Variants in TBL1XR1 observed in about 807,000 individuals in gnomAD.
TBL1XR1 encodes TBL1X/Y related 1.
Under a neutral mutation model 66.9 loss-of-function variants are expected in TBL1XR1, and 5 were observed. That is an observed-to-expected ratio of 0.07 (90% CI 0.04 to 0.16). The LOEUF (loss-of-function observed/expected upper bound fraction) is 0.16. Among genes scored for constraint, TBL1XR1 ranks in the 10% least tolerant of loss-of-function variants. TBL1XR1 has a pLI of 1.00. For missense variants in TBL1XR1, 238 were observed against 623.2 expected (o/e 0.38, Z 6.58); for synonymous variants, 210 against 206.0 (o/e 1.02, Z -0.17).
intron 2 of TBL1XR1, among the ~76,000 whole-genome samples, chr3:177,090,106 ATCTGTGTAATGGAGTAGAATGCAGCT>A (rs1247086359): frequency 6.6e-6 from 1 of 152,212 alleles, no homozygotes; most frequent in Non-Finnish European, 1.5e-5. Context: ...TGAAACAGCT[ATCTGTGTAATGGAGTAGAATGCAGCT>A]GTAAAACAAT....
chr3:177,118,181 T>C (rs1726540996), intron 1 of TBL1XR1, among the ~76,000 whole-genome samples: 1 of 152,212 alleles, frequency 6.6e-6, no homozygotes, highest in African/African-American at 2.4e-5. Context: ...CATGCGAATA[T>C]AGAAGTTCCA....
Position 177,023,752 on chromosome 3 carries a change from G to A in TBL1XR1, c.*1746C>T, listed in dbSNP as rs1478320243. On this transcript the variant is annotated 3_prime_UTR_variant, in exon 16 of 16. Coordinates refer to ENST00000457928, the MANE Select transcript of TBL1XR1 (RefSeq NM_024665.7). Reference sequence around the variant, plus strand: ...AATCAATCAAAGCTGCATTACTTGGGTTAAATCAGTTTCTACTTAGAACAC... The same window carrying A: ...AATCAATCAAAGCTGCATTACTTGGATTAAATCAGTTTCTACTTAGAACAC... 6.6e-6 allele frequency: 1 copy of A among 152,398 alleles called. No homozygotes were observed. The highest frequency in any genetic ancestry group is 1.5e-5 in the Non-Finnish European group (1 of 67,932). 9.4% of individuals were successfully genotyped at this position (152,398 alleles called of 1,614,324 possible). A position where few individuals can be genotyped will look rare whatever the true frequency, so the allele number is the denominator to read the frequency against.
At chr3:177,057,619 A>AAT (rs1310967719) in intron 3 of TBL1XR1, among the ~76,000 whole-genome samples, 1 of 152,140 alleles carries the variant, frequency 6.6e-6, no homozygotes, top group East Asian at 1.9e-4. Flanking sequence ...TTTATCTGTA[A>AAT]ATATATATAT....
chr3:177,162,813 C>T (rs1316322449), intron 1 of TBL1XR1, among the ~76,000 whole-genome samples: 1 of 152,096 alleles, frequency 6.6e-6, no homozygotes, highest in East Asian at 1.9e-4. Context: ...CAAAAAGATG[C>T]TCGATCTTAT....
chr3:177,051,434 C>A, intron 5 of TBL1XR1, 70 bp downstream of exon 5: 9 of 1,406,960 alleles, frequency 6.4e-6, no homozygotes, highest in Non-Finnish European at 8.6e-6. Flanking sequence ...CACATGTACC[C>A]CGAATTAAAA....
chr3:177,136,441 A>T (rs1729008152), intron 1 of TBL1XR1, among the ~76,000 whole-genome samples: 1 of 152,084 alleles, frequency 6.6e-6, no homozygotes, highest in Non-Finnish European at 1.5e-5. Context: ...CACTACACCC[A>T]GCTAATTTCT....
Position 177,022,691 on chromosome 3 carries a change from C to T in TBL1XR1, c.*2807G>A, listed in dbSNP as rs938856549. ...GAATAAGTTCTCAGAAAAACACAGGCGGAAAAATAAGCAAGAATCCCAAAT... is the reference window on the plus strand; with the variant it reads ...GAATAAGTTCTCAGAAAAACACAGGTGGAAAAATAAGCAAGAATCCCAAAT... On this transcript the variant is annotated 3_prime_UTR_variant, in exon 16 of 16. Transcript: ENST00000457928. The T allele has an allele frequency of 2.6e-5, 4 of 152,376 alleles. No individual in the cohort carries two copies. Among genetic ancestry groups the T allele is most frequent in the South Asian group, 2.1e-4 (1 of 4,828 alleles). 9.4% of individuals were successfully genotyped at this position (152,376 alleles called of 1,614,324 possible).
intron 1 of TBL1XR1, among the ~76,000 whole-genome samples, chr3:177,102,859 G>A (rs2108683571): frequency 6.6e-6 from 1 of 152,210 alleles, no homozygotes; most frequent in South Asian, 2.1e-4. Context: ...AGAGAAATGA[G>A]CCCCAGCTTA....
chr3:177,047,165 G>A (rs1346393299), intron 9 of TBL1XR1, 135 bp downstream of exon 9: 2 of 687,898 alleles, frequency 2.9e-6, no homozygotes, highest in East Asian at 5.5e-5. Flanking sequence ...ATAGACCTAA[G>A]GAGTATTTCT....
chr3:177,164,700 A>G (rs1732618558), intron 1 of TBL1XR1, among the ~76,000 whole-genome samples: 1 of 152,180 alleles, frequency 6.6e-6, no homozygotes, highest in South Asian at 2.1e-4. Flanking sequence ...AAATAAATGG[A>G]AAGATGTCTC....
intron 2 of TBL1XR1, among the ~76,000 whole-genome samples, chr3:177,079,146 T>A (rs992775225): frequency 6.6e-6 from 1 of 151,922 alleles, no homozygotes; most frequent in African/African-American, 2.4e-5. Context: ...ACAAAAAAAA[T>A]GTCGGCCGGG....
At chr3:177,126,823 A>C (rs977573233) in intron 1 of TBL1XR1, among the ~76,000 whole-genome samples, 1 of 152,262 alleles carries the variant, frequency 6.6e-6, no homozygotes, top group African/African-American at 2.4e-5. Flanking sequence ...GCCAAAAAAA[A>C]AAAAAGGGCA....
chr3:177,149,280 G>A (rs1577315365), intron 1 of TBL1XR1, among the ~76,000 whole-genome samples: 1 of 152,120 alleles, frequency 6.6e-6, no homozygotes, highest in Non-Finnish European at 1.5e-5. Context: ...CTCAAATCTA[G>A]TTCTGCAGCA....
intron 1 of TBL1XR1, among the ~76,000 whole-genome samples, chr3:177,102,214 T>C (rs1435116028): frequency 6.6e-6 from 1 of 152,224 alleles, no homozygotes; most frequent in Non-Finnish European, 1.5e-5. Context: ...CTTTTCCTAT[T>C]AATACTACAA....
chr3:177,131,510 C>T, intron 1 of TBL1XR1: 2 of 257,092 alleles, frequency 7.8e-6, no homozygotes, highest in Non-Finnish European at 1.1e-5. Flanking sequence ...TTCTGAATAT[C>T]TTTTTTTTTT....
chr3:177,057,619 AAT>A (rs1310967719), intron 3 of TBL1XR1, among the ~76,000 whole-genome samples: 2 of 152,140 alleles, frequency 1.3e-5, no homozygotes, highest in Admixed American at 1.3e-4. Context: ...TTTATCTGTA[AAT>A]ATATATATGC....
At chr3:177,096,897 A>T (rs1411750694) in intron 2 of TBL1XR1, among the ~76,000 whole-genome samples, 1 of 152,134 alleles carries the variant, frequency 6.6e-6, no homozygotes, top group Non-Finnish European at 1.5e-5. Context: ...TTTCTTCAAC[A>T]TCTCCTATCA....
chr3:177,171,702 C>CAAAAAAAA (rs34278942), intron 1 of TBL1XR1, among the ~76,000 whole-genome samples: 2 of 47,294 alleles, frequency 4.2e-5, no homozygotes, highest in Admixed American at 3.7e-4. Context: ...GACTCCGTCT[C>CAAAAAAAA]AAAAAAAAAA....
chr3:177,133,803 GA>G (rs1232551541), intron 1 of TBL1XR1, among the ~76,000 whole-genome samples: 1 of 147,934 alleles, frequency 6.8e-6, no homozygotes, highest in African/African-American at 2.5e-5. Flanking sequence ...TCGGGAGGGT[GA>G]AACAGAGGTT....
Sources: gnomAD v4.1 joint callset for allele counts (sites outside exome capture counted in the v4.1 genomes callset) on GRCh38, gnomAD v4.1.1 for gene constraint, MANE v1.5 for transcripts, NCBI Gene and HGNC (gene_info 2026-07-23, HGNC 2026-07-21) for gene names.